TGFB2: variants seen among roughly 807,000 people sequenced by gnomAD.
The protein encoded by TGFB2 is transforming growth factor beta 2.
In TGFB2, 13 loss-of-function variants were observed where a neutral mutation model predicts 42.7. That is an observed-to-expected ratio of 0.30 (90% confidence interval 0.20 to 0.48). TGFB2 has a LOEUF of 0.48. Ranked by LOEUF, TGFB2 falls within the 20% of genes least tolerant of loss-of-function variation. The pLI, the probability that TGFB2 is intolerant of heterozygous loss-of-function variation, is 0.99. For missense variants in TGFB2, 390 were observed against 517.5 expected (o/e 0.75, Z 2.39); for synonymous variants, 193 against 193.6 (o/e 1.00, Z 0.03).
chr1:218,392,159 G>T (rs1185027970), intron 1 of TGFB2, among the ~76,000 whole-genome samples: 1 of 152,114 alleles, frequency 6.6e-6, no homozygotes, highest in Non-Finnish European at 1.5e-5. Context: ...AGACCATCCT[G>T]GCCAATACGT....
At chr1:218,406,351 T>G (rs971591572) in intron 2 of TGFB2, among the ~76,000 whole-genome samples, 1 of 152,150 alleles carries the variant, frequency 6.6e-6, no homozygotes, top group Non-Finnish European at 1.5e-5. Flanking sequence ...TTCAGAGATG[T>G]TCTTAAAAGC....
chr1:218,396,280 G>T (rs903470909), intron 1 of TGFB2, among the ~76,000 whole-genome samples: 1 of 152,196 alleles, frequency 6.6e-6, no homozygotes, highest in Non-Finnish European at 1.5e-5. Context: ...GATGCAGGGG[G>T]TGAGTAAACA....
At chr1:218,416,812 C>T (rs1659296721) in intron 2 of TGFB2, among the ~76,000 whole-genome samples, 1 of 152,130 alleles carries the variant, frequency 6.6e-6, no homozygotes, top group Non-Finnish European at 1.5e-5. Flanking sequence ...AAGTCTTTCC[C>T]ATGCTGCTCT....
In TGFB2 at chr1:218,381,832, GGT is replaced by G. The variant is rs140110561; in HGVS notation, c.347-23321_347-23320del. ...TAGTGCTACTAGGTGTGTGTGTAGG[GGT>G]GTGTGTGTGTGTGTGCACACGCGCG... is the stretch of plus-strand genomic sequence containing the variant. On this transcript the variant is annotated intron_variant, in intron 1 of 6. Coordinates refer to ENST00000366930, the MANE Select transcript of TGFB2 (RefSeq NM_003238.6). Among the ~76,000 whole-genome samples, 939 of 151,392 alleles carry G rather than the reference GGT, an allele frequency of 6.2e-3. 5 individuals are homozygous for G. Among genetic ancestry groups the G allele is most frequent in the African/African-American group, 0.014 (585 of 41,364 alleles).
At position 218,397,199 on chromosome 1, in the gene TGFB2, C is replaced by T. The variant is rs190911599; in HGVS notation, c.347-7970C>T. On this transcript the variant is annotated intron_variant, in intron 1 of 6. Coordinates refer to ENST00000366930, the MANE Select transcript of TGFB2 (RefSeq NM_003238.6). ...AGGTGAGTTGCGTGAACCCAAGAGG[C>T]GGAGGTTGCAGTGAGCTGAGATTGC... Among the ~76,000 whole-genome samples, 25 of 148,366 alleles carry T rather than the reference C, an allele frequency of 1.7e-4. No homozygotes were observed. The East Asian group carries it at 4.9e-3, about 29-fold the overall frequency.
At chr1:218,383,900 C>T (rs777056417) in intron 1 of TGFB2, among the ~76,000 whole-genome samples, 3 of 152,228 alleles carry the variant, frequency 2.0e-5, no homozygotes, top group East Asian at 1.9e-4. Flanking sequence ...GCACCACATT[C>T]GGGATCCCGA....
At chr1:218,421,165 T>A (rs1659441512) in intron 2 of TGFB2, among the ~76,000 whole-genome samples, 1 of 152,202 alleles carries the variant, frequency 6.6e-6, no homozygotes, top group African/African-American at 2.4e-5. Flanking sequence ...CTGTACCCAG[T>A]TCTGATTCTC....
At chr1:218,372,848 G>A (rs111959968) in intron 1 of TGFB2, among the ~76,000 whole-genome samples, 2,097 of 152,230 alleles carry the variant, frequency 0.014, 52 homozygotes, top group African/African-American at 0.047. Context: ...TTCTGACTCC[G>A]TTGGTCTGGA....
At chr1:218,371,448 G>A (rs1657568264) in intron 1 of TGFB2, among the ~76,000 whole-genome samples, 1 of 152,224 alleles carries the variant, frequency 6.6e-6, no homozygotes, top group Non-Finnish European at 1.5e-5. Context: ...TGCATATTTG[G>A]TTGGTTTTAT....
chr1:218,382,707 A>G (rs757931820), intron 1 of TGFB2, among the ~76,000 whole-genome samples: 38 of 152,210 alleles, frequency 2.5e-4, no homozygotes, highest in Admixed American at 6.5e-5. Flanking sequence ...ATCACTTGAA[A>G]TCTTAAAGTA....
chr1:218,366,395 C>G (rs1657388529), intron 1 of TGFB2, among the ~76,000 whole-genome samples: 1 of 152,100 alleles, frequency 6.6e-6, no homozygotes, highest in African/African-American at 2.4e-5. Flanking sequence ...TAACCTCTAA[C>G]TCCTGGGCTG....
chr1:218,392,534 G>A (rs1008176159), intron 1 of TGFB2, among the ~76,000 whole-genome samples: 1 of 152,196 alleles, frequency 6.6e-6, no homozygotes, highest in Non-Finnish European at 1.5e-5. Context: ...ATGGTCAGAG[G>A]CTGAAGTGGG....
intron 5 of TGFB2, 82 bp from the exon 6 acceptor site, chr1:218,437,261 G>A (rs1330807098): frequency 1.5e-6 from 2 of 1,318,498 alleles, no homozygotes; most frequent in Admixed American, 2.4e-5. Context: ...TCATTTTTCT[G>A]GTTTGGGGTG....
chr1:218,387,951 C>A (rs956797354), intron 1 of TGFB2, among the ~76,000 whole-genome samples: 1 of 152,034 alleles, frequency 6.6e-6, no homozygotes, highest in East Asian at 1.9e-4. Flanking sequence ...TCCCCCCACC[C>A]CCACTGGCAT....
chr1:218,356,678 G>A (rs1241650001), intron 1 of TGFB2, among the ~76,000 whole-genome samples: 1 of 152,186 alleles, frequency 6.6e-6, no homozygotes, highest in Admixed American at 6.5e-5. Flanking sequence ...TCTATGTAAT[G>A]TGCTTCTGGG....
At chr1:218,438,920 A>C (rs1423338405) in intron 6 of TGFB2, among the ~76,000 whole-genome samples, 1 of 152,136 alleles carries the variant, frequency 6.6e-6, no homozygotes, top group East Asian at 1.9e-4. Context: ...CAGCCTGGTC[A>C]AGATGATGAA....
intron 2 of TGFB2, among the ~76,000 whole-genome samples, chr1:218,405,875 C>T (rs1658894993): frequency 6.6e-6 from 1 of 152,078 alleles, no homozygotes; most frequent in Non-Finnish European, 1.5e-5. Context: ...AAGCTCTGAG[C>T]ACACTTCCTC....
intron 2 of TGFB2, among the ~76,000 whole-genome samples, chr1:218,433,343 G>A (rs1047987003): frequency 4.6e-5 from 7 of 152,172 alleles, no homozygotes; most frequent in South Asian, 4.2e-4. Flanking sequence ...CTGGGATTAC[G>A]GTGAGCCACC....
At chr1:218,377,165 C>G (rs151136776) in intron 1 of TGFB2, among the ~76,000 whole-genome samples, 1 of 152,278 alleles carries the variant, frequency 6.6e-6, no homozygotes, top group East Asian at 1.9e-4. Context: ...GGATTACAGG[C>G]GTGAGCCACT....
Sources: allele counts gnomAD v4.1 joint callset (sites outside exome capture counted in the v4.1 genomes callset), GRCh38; gene constraint gnomAD v4.1.1; transcripts MANE v1.5; gene names NCBI Gene and HGNC (gene_info 2026-07-23, HGNC 2026-07-21).